Variants in AP3B1 observed in about 807,000 individuals in gnomAD.
AP3B1 encodes the protein AP-3 complex subunit beta-1.
A neutral mutation model predicts 132.5 loss-of-function variants in AP3B1; 61 were observed. That is an observed-to-expected ratio of 0.46 (90% CI 0.37 to 0.57). The LOEUF is 0.57. Among genes scored for constraint, AP3B1 ranks in the 20% least tolerant of loss-of-function variants. The pLI is 0.00. For synonymous variants in AP3B1, 388 were observed against 438.3 expected (o/e 0.89, Z 1.43); for missense variants, 1,120 against 1,289.4 (o/e 0.87, Z 2.01).
intron 8 of AP3B1, among the ~76,000 whole-genome samples, chr5:78,179,618 T>C (rs908360349): frequency 4.5e-4 from 68 of 152,292 alleles, no homozygotes; most frequent in Admixed American, 3.8e-3. Context: ...TAAACACTTT[T>C]CTACTCTTAA....
At chr5:78,185,049 G>C (rs112845773) in intron 7 of AP3B1, among the ~76,000 whole-genome samples, 9 of 152,048 alleles carry the variant, frequency 5.9e-5, no homozygotes, top group African/African-American at 2.2e-4. Flanking sequence ...AAACCATGGA[G>C]GACAGAACAC....
chr5:78,131,778 G>C (rs1378263401), intron 15 of AP3B1, among the ~76,000 whole-genome samples: 1 of 152,058 alleles, frequency 6.6e-6, no homozygotes, highest in African/African-American at 2.4e-5. Context: ...TCCCTTGCCT[G>C]TACAGGGAAA....
intron 11 of AP3B1, 121 bp downstream of exon 11, chr5:78,175,504 AC>A (rs1285757183): frequency 1.4e-6 from 1 of 719,064 alleles, no homozygotes; most frequent in Non-Finnish European, 2.4e-6. Context: ...ATAAAGAAAA[AC>A]CATTAACTTT....
intron 21 of AP3B1, among the ~76,000 whole-genome samples, chr5:78,095,471 T>C (rs1750731614): frequency 6.6e-6 from 1 of 152,218 alleles, no homozygotes; most frequent in Admixed American, 6.5e-5. Context: ...CATTGCAGGC[T>C]AATAGGAGGC....
At chr5:78,043,617 T>G (rs1748193353) in intron 22 of AP3B1, 1 of 486,294 alleles carries the variant, frequency 2.1e-6, no homozygotes. Flanking sequence ...GTCACTTTGG[T>G]ACCCCTGCCA....
chr5:78,066,567 T>C (rs1039116731), intron 22 of AP3B1, among the ~76,000 whole-genome samples: 1 of 152,170 alleles, frequency 6.6e-6, no homozygotes, highest in African/African-American at 2.4e-5. Context: ...AAAGAATTTC[T>C]GAGCTTGAAG....
intron 21 of AP3B1, among the ~76,000 whole-genome samples, chr5:78,097,902 A>T (rs1429908701): frequency 6.6e-6 from 1 of 152,142 alleles, no homozygotes; most frequent in Non-Finnish European, 1.5e-5. Context: ...AAAGAGGTAG[A>T]CATGGGAGAC....
chr5:78,178,958 T>A (rs967368225), intron 8 of AP3B1, among the ~76,000 whole-genome samples: 1 of 152,220 alleles, frequency 6.6e-6, no homozygotes, highest in African/African-American at 2.4e-5. Context: ...CTAAATTTAC[T>A]GTTTGCCATT....
intron 26 of AP3B1, among the ~76,000 whole-genome samples, chr5:78,008,232 T>C (rs1003193837): frequency 6.6e-6 from 1 of 152,180 alleles, no homozygotes; most frequent in Non-Finnish European, 1.5e-5. Context: ...AATACATTCT[T>C]ACCCCATTCT....
rs1293496982 is a variant in AP3B1 at position 78,110,211 on chromosome 5, G to A, written c.2393C>T (p.Thr798Ile). 2 of 1,603,040 alleles carry A rather than the reference G, an allele frequency of 1.2e-6. No homozygotes were observed. The highest frequency in any genetic ancestry group is 2.7e-5 in the African/African-American group (2 of 74,910). The part of the protein sequence containing the change: ...PESESESRRV[T>I]KEKEKKTKQD... Reference sequence around the variant, plus strand: ...AACAAATGTATAATCTCTTACCTTAGTGACTCTTCTGGATTCAGATTCACT... The same window carrying A: ...AACAAATGTATAATCTCTTACCTTAATGACTCTTCTGGATTCAGATTCACT... The change falls in exon 20 of 27, where the codon ACT becomes ATT. Residue 798 changes from threonine (T) to isoleucine (I), a missense_variant. Coordinates refer to ENST00000255194, the MANE Select transcript of AP3B1 (RefSeq NM_003664.5).
intron 22 of AP3B1, chr5:78,087,377 A>G: frequency 3.9e-6 from 1 of 254,980 alleles, no homozygotes. Context: ...TTTTCTCAGT[A>G]CTGTTCTGAG....
intron 15 of AP3B1, among the ~76,000 whole-genome samples, chr5:78,134,149 C>CAAAAAAAAAAAAA (rs397961933): frequency 5.7e-4 from 42 of 74,192 alleles, no homozygotes; most frequent in African/African-American, 2.1e-3. Flanking sequence ...AGACTCGCCT[C>CAAAAAAAAAAAAA]AAAAAAAAAA....
intron 7 of AP3B1, among the ~76,000 whole-genome samples, chr5:78,195,530 G>C (rs899898645): frequency 6.6e-6 from 1 of 152,084 alleles, no homozygotes; most frequent in African/African-American, 2.4e-5. Context: ...AACAAACGAA[G>C]AGTCACAGGC....
chr5:78,123,484 C>G (rs1752320430), intron 17 of AP3B1, among the ~76,000 whole-genome samples: 1 of 151,924 alleles, frequency 6.6e-6, no homozygotes, highest in Admixed American at 6.6e-5. Context: ...CTACAATGAA[C>G]TCAAACAAAT....
chr5:78,268,303 T>C (rs1748411616), intron 1 of AP3B1, among the ~76,000 whole-genome samples: 1 of 152,314 alleles, frequency 6.6e-6, no homozygotes, highest in Admixed American at 6.5e-5. Flanking sequence ...CTTCTACTTT[T>C]TGCTGTATTT....
chr5:78,139,634 G>T (rs1753060324), intron 15 of AP3B1, among the ~76,000 whole-genome samples: 1 of 152,122 alleles, frequency 6.6e-6, no homozygotes, highest in African/African-American at 2.4e-5. Flanking sequence ...TAGGGATGAA[G>T]ATAATCCCAA....
At chr5:78,253,217 A>G (rs1226463141) in intron 2 of AP3B1, among the ~76,000 whole-genome samples, 1 of 152,236 alleles carries the variant, frequency 6.6e-6, no homozygotes, top group Non-Finnish European at 1.5e-5. Flanking sequence ...CACAACACCC[A>G]CGTTCTTTCA....
chr5:78,102,255 C>G (rs1236665069), intron 20 of AP3B1, among the ~76,000 whole-genome samples: 2 of 152,036 alleles, frequency 1.3e-5, no homozygotes, highest in African/African-American at 4.8e-5. Flanking sequence ...AAAAGCATTA[C>G]GTAAAATTAT....
At chr5:78,284,636 A>C (rs1749195230) in intron 1 of AP3B1, among the ~76,000 whole-genome samples, 2 of 152,234 alleles carry the variant, frequency 1.3e-5, no homozygotes, top group Non-Finnish European at 2.9e-5. Context: ...ATACACATAC[A>C]TACATATAAA....
Sources: allele counts gnomAD v4.1 joint callset (sites outside exome capture counted in the v4.1 genomes callset), GRCh38; gene constraint gnomAD v4.1.1; transcripts MANE v1.5; gene names NCBI Gene and HGNC (gene_info 2026-07-23, HGNC 2026-07-21).